CYB5R4: variants seen among roughly 807,000 people sequenced by gnomAD.
CYB5R4 encodes the protein N-terminal cytochrome b5 and cytochrome b5 oxidoreductase domain-containing protein.
In CYB5R4, 55 loss-of-function variants were observed where a neutral mutation model predicts 70.2. The observed-to-expected ratio is 0.78, with a 90% confidence interval of 0.63 to 0.98. The LOEUF is 0.98. Among genes scored for constraint, CYB5R4 ranks in the 50% least tolerant of loss-of-function variants. CYB5R4 has a pLI of 0.00. For synonymous variants in CYB5R4, 197 were observed against 199.5 expected (o/e 0.99, Z 0.11); for missense variants, 562 against 612.6 (o/e 0.92, Z 0.87).
rs1052131840 is a variant in CYB5R4, at chr6:83,962,839, C to T, written c.*2961C>T. ...TTTCTAGAATTTGCCCACATTCCTT[C>T]TCATACTTTCTGTGTGGCCCTCTTC... On this transcript the variant is annotated 3_prime_UTR_variant, in exon 16 of 16. Coordinates refer to ENST00000369681, the MANE Select transcript of CYB5R4 (RefSeq NM_016230.4). 3 of 152,250 alleles carry T rather than the reference C, an allele frequency of 2.0e-5. No homozygotes were observed. The highest frequency in any genetic ancestry group is 4.4e-5 in the Non-Finnish European group (3 of 68,042). 9.4% of individuals were successfully genotyped at this position (152,250 alleles called of 1,614,324 possible).
At chr6:83,870,170 G>C (rs1028623532) in intron 2 of CYB5R4, among the ~76,000 whole-genome samples, 1 of 152,116 alleles carries the variant, frequency 6.6e-6, no homozygotes, top group Non-Finnish European at 1.5e-5. Context: ...ACCCAACTTT[G>C]TATTTTTTAC....
At chr6:83,865,216 G>C (rs757708210) in intron 2 of CYB5R4, among the ~76,000 whole-genome samples, 3 of 152,146 alleles carry the variant, frequency 2.0e-5, no homozygotes, top group Non-Finnish European at 4.4e-5. Context: ...TTCAATGAGT[G>C]TAACACTTAC....
intron 2 of CYB5R4, among the ~76,000 whole-genome samples, chr6:83,884,818 G>A (rs988384667): frequency 6.6e-6 from 1 of 152,126 alleles, no homozygotes; most frequent in African/African-American, 2.4e-5. Flanking sequence ...ATAATATTTG[G>A]TATATACGTT....
At chr6:83,911,158 A>C (rs2099464620) in intron 4 of CYB5R4, among the ~76,000 whole-genome samples, 1 of 152,164 alleles carries the variant, frequency 6.6e-6, no homozygotes, top group Admixed American at 6.5e-5. Flanking sequence ...TAATCTCAGC[A>C]CTTTGGGAAG....
chr6:83,894,315 C>G (rs1183180262), intron 3 of CYB5R4, among the ~76,000 whole-genome samples: 4 of 152,042 alleles, frequency 2.6e-5, no homozygotes, highest in Non-Finnish European at 5.9e-5. Context: ...TTGCCTTTGT[C>G]TCATATATGC....
intron 3 of CYB5R4, among the ~76,000 whole-genome samples, chr6:83,903,359 T>A (rs1180731726): frequency 6.6e-6 from 1 of 152,158 alleles, no homozygotes; most frequent in Non-Finnish European, 1.5e-5. Flanking sequence ...CCTGACTCCT[T>A]GGGATAAATT....
intron 10 of CYB5R4, among the ~76,000 whole-genome samples, chr6:83,927,944 A>T (rs974963899): frequency 1.3e-5 from 2 of 152,166 alleles, no homozygotes; most frequent in African/African-American, 4.8e-5. Flanking sequence ...AGAACAAAAG[A>T]TGCTCCTATC....
intron 15 of CYB5R4, among the ~76,000 whole-genome samples, chr6:83,956,026 C>A (rs546654289): frequency 6.6e-6 from 1 of 152,256 alleles, no homozygotes; most frequent in South Asian, 2.1e-4. Flanking sequence ...TAAAATGGCA[C>A]TTTAAAATAT....
chr6:83,888,044 G>A (rs961755936), intron 2 of CYB5R4, among the ~76,000 whole-genome samples: 19 of 152,080 alleles, frequency 1.2e-4, no homozygotes, highest in South Asian at 6.2e-4. Context: ...TAATAGCCTA[G>A]TATCAATTTG....
intron 1 of CYB5R4, among the ~76,000 whole-genome samples, chr6:83,863,805 GTAT>G (rs2099456333): frequency 6.6e-6 from 1 of 152,094 alleles, no homozygotes. Context: ...ATTGCTTTAG[GTAT>G]TATTAGTAAT....
At chr6:83,958,515 G>A (rs1307140001) in intron 15 of CYB5R4, among the ~76,000 whole-genome samples, 1 of 152,184 alleles carries the variant, frequency 6.6e-6, no homozygotes, top group Non-Finnish European at 1.5e-5. Context: ...AGTACAGGCA[G>A]GGAGAACTGG....
In CYB5R4 at chr6:83,964,584, C is replaced by T. The variant is rs2099473792; in HGVS notation, c.*4706C>T. On this transcript the variant is annotated 3_prime_UTR_variant, in exon 16 of 16. Transcript: ENST00000369681. ...AGAGCATTAAAATTCAGAAAATTAG[C>T]AGCTTGACAATGCGATAGAAAAGAA... is the stretch of plus-strand genomic sequence containing the variant. 1 of 152,180 alleles carries T rather than the reference C, an allele frequency of 6.6e-6. No individual in the cohort carries two copies. The highest frequency in any genetic ancestry group is 2.4e-5 in the African/African-American group (1 of 41,434). The allele number at this position is 152,180 out of a possible 1,614,324, so 9.4% of individuals were successfully genotyped here.
intron 11 of CYB5R4, 130 bp from the exon 12 acceptor site, chr6:83,936,088 AATAATT>A: frequency 1.7e-6 from 1 of 605,656 alleles, no homozygotes; most frequent in Non-Finnish European, 2.8e-6. Context: ...CATATAGAAA[AATAATT>A]AGAATTATAT....
At chr6:83,874,129 CCCTCCCCTCCCT>C in intron 2 of CYB5R4, among the ~76,000 whole-genome samples, 9 of 65,442 alleles carry the variant, frequency 1.4e-4, no homozygotes, top group African/African-American at 7.8e-4. Flanking sequence ...CCCTCCTCTC[CCCTCCCCTCCCT>C]TCCCCTCCCC....
intron 5 of CYB5R4, among the ~76,000 whole-genome samples, chr6:83,915,902 G>A (rs554320363): frequency 1.4e-4 from 21 of 152,154 alleles, no homozygotes; most frequent in Admixed American, 5.2e-4. Flanking sequence ...TCAAATTGAC[G>A]ACATTCAATC....
intron 14 of CYB5R4, among the ~76,000 whole-genome samples, chr6:83,951,860 C>G (rs927530425): frequency 6.6e-6 from 1 of 152,206 alleles, no homozygotes; most frequent in African/African-American, 2.4e-5. Context: ...AATCGCCACA[C>G]TGTTTTCTAC....
chr6:83,888,880 G>A (rs1425889852), intron 2 of CYB5R4, among the ~76,000 whole-genome samples: 1 of 152,236 alleles, frequency 6.6e-6, no homozygotes, highest in African/African-American at 2.4e-5. Flanking sequence ...GAAATTAAAA[G>A]TGCTATCCCA....
intron 10 of CYB5R4, among the ~76,000 whole-genome samples, chr6:83,932,600 A>G (rs1161408198): frequency 6.6e-6 from 1 of 152,082 alleles, no homozygotes; most frequent in Non-Finnish European, 1.5e-5. Flanking sequence ...CCCTCCCACA[A>G]GGTGAGGAGT....
intron 2 of CYB5R4, among the ~76,000 whole-genome samples, chr6:83,878,612 C>G (rs920205765): frequency 6.6e-6 from 1 of 152,118 alleles, no homozygotes; most frequent in East Asian, 1.9e-4. Context: ...TCCCAAAGTG[C>G]TAGGATTACA....
Sources: gnomAD v4.1 joint callset for allele counts (sites outside exome capture counted in the v4.1 genomes callset) on GRCh38, gnomAD v4.1.1 for gene constraint, MANE v1.5 for transcripts, NCBI Gene and HGNC (gene_info 2026-07-23, HGNC 2026-07-21) for gene names.